The following THSD7B variants were observed in gnomAD, a reference collection of about 807,000 sequenced individuals.
THSD7B encodes thrombospondin type 1 domain containing 7B, also known as thrombospondin type-1 domain-containing protein 7B.
A neutral mutation model predicts 213.6 loss-of-function variants in THSD7B; 138 were observed. That is an observed-to-expected ratio of 0.65 (90% CI 0.56 to 0.74). THSD7B has a LOEUF of 0.74. Ranked by LOEUF, THSD7B falls within the 30% of genes least tolerant of loss-of-function variation. The pLI, the probability that THSD7B is intolerant of heterozygous loss-of-function variation, is 0.00. For synonymous variants in THSD7B, 742 were observed against 687.0 expected (o/e 1.08, Z -1.25); for missense variants, 1,931 against 1,991.5 (o/e 0.97, Z 0.58).
At chr2:137,377,658 C>T (rs1366061636) in intron 12 of THSD7B, among the ~76,000 whole-genome samples, 2 of 151,584 alleles carry the variant, frequency 1.3e-5, no homozygotes, top group East Asian at 3.9e-4. Context: ...CTGGAGCCTC[C>T]TTCTGTTACC....
At chr2:137,124,104 C>A (rs1017683212) in intron 5 of THSD7B, among the ~76,000 whole-genome samples, 4 of 152,178 alleles carry the variant, frequency 2.6e-5, no homozygotes, top group African/African-American at 9.7e-5. Context: ...CAGTTAAGTT[C>A]TTTTTCTGAG....
chr2:137,281,364 T>G (rs1231779410), intron 12 of THSD7B, among the ~76,000 whole-genome samples: 1 of 152,032 alleles, frequency 6.6e-6, no homozygotes, highest in African/African-American at 2.4e-5. Context: ...TATTTATTTA[T>G]TTATTTTTTT....
At chr2:137,598,379 A>G (rs905862965) in intron 17 of THSD7B, among the ~76,000 whole-genome samples, 1 of 152,340 alleles carries the variant, frequency 6.6e-6, no homozygotes, top group Middle Eastern at 3.4e-3. Flanking sequence ...TAGCAAGGAA[A>G]GTAGGTTCTT....
chr2:136,896,140 A>T (rs1380007843), intron 2 of THSD7B, among the ~76,000 whole-genome samples: 1 of 152,210 alleles, frequency 6.6e-6, no homozygotes, highest in Non-Finnish European at 1.5e-5. Context: ...ATACATGCTG[A>T]ACTTTTTAAG....
intron 12 of THSD7B, among the ~76,000 whole-genome samples, chr2:137,364,689 T>C (rs1401073864): frequency 6.6e-6 from 1 of 151,662 alleles, no homozygotes; most frequent in South Asian, 2.1e-4. Context: ...ACAAGGGAGG[T>C]GAAAGACCTC....
chr2:137,272,480 A>G, intron 10 of THSD7B, 53 bp from the exon 11 acceptor site: 2 of 1,521,312 alleles, frequency 1.3e-6, no homozygotes, highest in South Asian at 2.6e-5. Flanking sequence ...CTGGATTTTG[A>G]TCTGCATCAA....
intron 10 of THSD7B, 85 bp downstream of exon 10, chr2:137,242,657 G>T: frequency 1.1e-6 from 1 of 904,036 alleles, no homozygotes; most frequent in South Asian, 1.7e-5. Context: ...TGTGGAATGT[G>T]AGCACCTTTT....
At chr2:137,587,202 C>G (rs946934133) in intron 17 of THSD7B, among the ~76,000 whole-genome samples, 46 of 152,290 alleles carry the variant, frequency 3.0e-4, no homozygotes, top group Non-Finnish European at 5.6e-4. Context: ...CCTTTAAGGA[C>G]TTCTCTACAC....
chr2:137,479,698 A>T (rs548658490), intron 15 of THSD7B, among the ~76,000 whole-genome samples: 1 of 152,200 alleles, frequency 6.6e-6, no homozygotes, highest in Non-Finnish European at 1.5e-5. Flanking sequence ...CAGCATCTAG[A>T]AATGGTGCCT....
intron 1 of THSD7B, among the ~76,000 whole-genome samples, chr2:136,855,071 T>C (rs957678544): frequency 6.6e-6 from 1 of 152,256 alleles, no homozygotes; most frequent in Admixed American, 6.5e-5. Flanking sequence ...TGGTTCCTTC[T>C]GCCTGTTTCC....
chr2:137,306,431 C>A (rs1002163075), intron 12 of THSD7B, among the ~76,000 whole-genome samples: 1 of 152,060 alleles, frequency 6.6e-6, no homozygotes, highest in African/African-American at 2.4e-5. Context: ...GTGCCTTTTT[C>A]ATTCCTTTTT....
intron 17 of THSD7B, among the ~76,000 whole-genome samples, chr2:137,605,486 G>T (rs1322642856): frequency 6.6e-6 from 1 of 151,858 alleles, no homozygotes; most frequent in East Asian, 1.9e-4. Context: ...CTATGTAACA[G>T]GTATTATGGT....
intron 21 of THSD7B, among the ~76,000 whole-genome samples, chr2:137,645,964 CT>C (rs1683023731): frequency 6.6e-6 from 1 of 152,088 alleles, no homozygotes; most frequent in Admixed American, 6.6e-5. Flanking sequence ...TTGAATAAAT[CT>C]ACTATGAATT....
At chr2:137,155,644 A>G (rs1407149221) in intron 5 of THSD7B, among the ~76,000 whole-genome samples, 1 of 152,182 alleles carries the variant, frequency 6.6e-6, no homozygotes, top group Non-Finnish European at 1.5e-5. Flanking sequence ...ACAAATTTTT[A>G]AAAAGTATGA....
At chr2:136,837,498 C>G (rs533092905) in intron 1 of THSD7B, among the ~76,000 whole-genome samples, 15 of 152,346 alleles carry the variant, frequency 9.8e-5, no homozygotes, top group African/African-American at 3.6e-4. Flanking sequence ...TTCCTCATGT[C>G]ATTCAGAGTG....
intron 20 of THSD7B, among the ~76,000 whole-genome samples, chr2:137,623,037 T>G (rs1682551560): frequency 6.6e-6 from 1 of 152,156 alleles, no homozygotes; most frequent in African/African-American, 2.4e-5. Flanking sequence ...AAAGAGAATT[T>G]TAGACCAATA....
intron 5 of THSD7B, among the ~76,000 whole-genome samples, chr2:137,125,651 A>G (rs955020746): frequency 6.6e-6 from 1 of 152,212 alleles, no homozygotes; most frequent in African/African-American, 2.4e-5. Flanking sequence ...CCCATGGATC[A>G]CAAATGTTCT....
At chr2:137,145,491 C>T (rs931428244) in intron 5 of THSD7B, among the ~76,000 whole-genome samples, 7 of 151,980 alleles carry the variant, frequency 4.6e-5, no homozygotes, top group Non-Finnish European at 1.0e-4. Flanking sequence ...TAGGGAGCCC[C>T]TAAAGGCTTT....
chr2:137,059,797 T>C (rs1396942554), intron 3 of THSD7B, among the ~76,000 whole-genome samples: 1 of 152,206 alleles, frequency 6.6e-6, no homozygotes, highest in African/African-American at 2.4e-5. Flanking sequence ...TTGGTTGCTA[T>C]CAAGTTTTGG....
Sources: allele counts gnomAD v4.1 joint callset (sites outside exome capture counted in the v4.1 genomes callset), GRCh38; gene constraint gnomAD v4.1.1; transcripts MANE v1.5; gene names NCBI Gene and HGNC (gene_info 2026-07-23, HGNC 2026-07-21).